Variants in ZFHX3 observed in about 807,000 individuals in gnomAD.
The protein encoded by ZFHX3 is zinc finger homeobox 3.
Under a neutral mutation model 279.1 loss-of-function variants are expected in ZFHX3, and 42 were observed. The ratio of observed to expected loss-of-function variants is 0.15; its 90% CI spans 0.12 to 0.19. ZFHX3 has a LOEUF of 0.19. Ranked by LOEUF, ZFHX3 falls within the 10% of genes least tolerant of loss-of-function variation. The pLI is 1.00. For synonymous variants in ZFHX3, 2,293 were observed against 1,957.8 expected (o/e 1.17, Z -4.52); for missense variants, 4,981 against 4,754.0 (o/e 1.05, Z -1.40).
At chr16:73,658,604 G>C (rs2052747639) in intron 2 of ZFHX3, among the ~76,000 whole-genome samples, 1 of 152,092 alleles carries the variant, frequency 6.6e-6, no homozygotes, top group Non-Finnish European at 1.5e-5. Flanking sequence ...TGCCTGGCCA[G>C]AAATAGAAAT....
chr16:73,804,655 G>A (rs567219057), intron 1 of ZFHX3, among the ~76,000 whole-genome samples: 188 of 152,178 alleles, frequency 1.2e-3, no homozygotes, highest in Non-Finnish European at 1.8e-3. Context: ...TGGCAAATAT[G>A]AGTCTTTTAT....
At chr16:73,693,316 T>G (rs1322569361) in intron 1 of ZFHX3, among the ~76,000 whole-genome samples, 1 of 151,968 alleles carries the variant, frequency 6.6e-6, no homozygotes, top group Non-Finnish European at 1.5e-5. Context: ...GGGAATCTGT[T>G]TTATTGTGAT....
intron 1 of ZFHX3, among the ~76,000 whole-genome samples, chr16:73,703,927 A>C (rs2053277359): frequency 6.6e-6 from 1 of 152,212 alleles, no homozygotes; most frequent in Non-Finnish European, 1.5e-5. Context: ...CTGTCAACCA[A>C]GCCAGTTCTA....
intron 2 of ZFHX3, among the ~76,000 whole-genome samples, chr16:73,462,547 G>T (rs977359177): frequency 1.4e-4 from 22 of 152,024 alleles, no homozygotes; most frequent in Non-Finnish European, 1.8e-4. Flanking sequence ...ACTAGCTGTA[G>T]GTTTTTGTAG....
chr16:73,165,120 T>C (rs1351194637), intron 5 of ZFHX3, among the ~76,000 whole-genome samples: 1 of 152,178 alleles, frequency 6.6e-6, no homozygotes, highest in Non-Finnish European at 1.5e-5. Flanking sequence ...TAGAAAGCTG[T>C]GAACATGGAC....
At chr16:73,625,526 A>C (rs972782357) in intron 2 of ZFHX3, among the ~76,000 whole-genome samples, 9 of 152,248 alleles carry the variant, frequency 5.9e-5, no homozygotes, top group African/African-American at 2.2e-4. Context: ...TTACCCCTGC[A>C]CCTAGAGTGT....
intron 1 of ZFHX3, among the ~76,000 whole-genome samples, chr16:73,695,242 G>GTTTT (rs5817868): frequency 1.7e-4 from 24 of 139,272 alleles, no homozygotes; most frequent in African/African-American, 4.0e-4. Flanking sequence ...GTTTTTTTTT[G>GTTTT]TTTTTTTTTT....
chr16:73,654,092 G>A (rs546128384), intron 2 of ZFHX3, among the ~76,000 whole-genome samples: 1 of 151,526 alleles, frequency 6.6e-6, no homozygotes, highest in South Asian at 2.1e-4. Flanking sequence ...GCTGAGGCAG[G>A]AGAATGGCAT....
chr16:73,316,399 C>G (rs576666498), intron 4 of ZFHX3, among the ~76,000 whole-genome samples: 22 of 152,270 alleles, frequency 1.4e-4, no homozygotes, highest in African/African-American at 5.1e-4. Flanking sequence ...ACCCTCACCC[C>G]CAACACTCTT....
chr16:73,044,678 A>T (rs968245673), intron 1 of ZFHX3, among the ~76,000 whole-genome samples: 1 of 152,136 alleles, frequency 6.6e-6, no homozygotes, highest in Non-Finnish European at 1.5e-5. Context: ...CTAGAATGCA[A>T]TGGCCCAATC....
intron 2 of ZFHX3, among the ~76,000 whole-genome samples, chr16:73,648,009 C>T (rs1036505264): frequency 2.0e-5 from 3 of 151,928 alleles, no homozygotes; most frequent in African/African-American, 4.8e-5. Flanking sequence ...TAATATTAAA[C>T]GTCAAAAAGT....
upstream of ZFHX3, among the ~76,000 whole-genome samples, chr16:73,050,092 A>C (rs1023635212): frequency 1.3e-5 from 2 of 152,190 alleles, no homozygotes; most frequent in African/African-American, 4.8e-5. Context: ...CAGAAAATCT[A>C]ATTTTGCTGC....
intron 3 of ZFHX3, among the ~76,000 whole-genome samples, chr16:72,921,826 G>A (rs1262790999): frequency 1.3e-5 from 2 of 152,206 alleles, no homozygotes; most frequent in African/African-American, 2.4e-5. Flanking sequence ...GGCCTTGGCC[G>A]GTTTCCTAGC....
intron 3 of ZFHX3, among the ~76,000 whole-genome samples, chr16:72,897,502 C>A (rs943274587): frequency 1.3e-5 from 2 of 151,984 alleles, no homozygotes; most frequent in Non-Finnish European, 2.9e-5. Context: ...TGCAGTGGTG[C>A]GATCATGGCT....
rs1392840394 is a variant in ZFHX3 at position 72,795,695 on chromosome 16, C to G, written c.6987G>C (p.Gln2329His). The G allele has an allele frequency of 1.2e-6, 2 of 1,614,128 alleles. No individual in the cohort carries two copies. The highest frequency in any genetic ancestry group is 2.2e-5 in the South Asian group (2 of 91,070). ...GAAACACCAGGCTACATTTTTTGCA[C>G]TGGTAGTTCAAGTTGCTTGTTCGAA... ...RYIRTSNLNY[Q>H]CKKCSLVFQR... The change falls in exon 9 of 10, where the codon CAG becomes CAC. Residue 2329 changes from glutamine (Q) to histidine (H), a missense_variant. By Grantham distance (24) the Gln-to-His change is conservative (BLOSUM62 0). Transcript: ENST00000268489.
intron 8 of ZFHX3, among the ~76,000 whole-genome samples, chr16:73,085,383 A>G (rs1240125294): frequency 6.6e-6 from 1 of 152,114 alleles, no homozygotes; most frequent in Non-Finnish European, 1.5e-5. Flanking sequence ...CTCAGCCTCC[A>G]GAGTAGCTGG....
At chr16:72,852,223 T>C (rs930560535) in intron 4 of ZFHX3, among the ~76,000 whole-genome samples, 1 of 152,380 alleles carries the variant, frequency 6.6e-6, no homozygotes, top group South Asian at 2.1e-4. Context: ...AAGTAAATGT[T>C]AAAAATCTGA....
intron 5 of ZFHX3, among the ~76,000 whole-genome samples, chr16:72,824,859 T>C (rs930540178): frequency 6.6e-6 from 1 of 152,210 alleles, no homozygotes; most frequent in Non-Finnish European, 1.5e-5. Flanking sequence ...TCAAATCTAT[T>C]CTGGTAAAAG....
chr16:73,332,164 T>A (rs942392290), intron 3 of ZFHX3, among the ~76,000 whole-genome samples: 1 of 152,176 alleles, frequency 6.6e-6, no homozygotes, highest in Non-Finnish European at 1.5e-5. Context: ...CCTGAAAAAG[T>A]TGACTACATA....
Sources: gnomAD v4.1 joint callset for allele counts (sites outside exome capture counted in the v4.1 genomes callset) on GRCh38, gnomAD v4.1.1 for gene constraint, MANE v1.5 for transcripts, NCBI Gene and HGNC (gene_info 2026-07-23, HGNC 2026-07-21) for gene names.